EHBP1: variants seen among roughly 807,000 people sequenced by gnomAD.
The protein encoded by EHBP1 is EH domain binding protein 1.
In EHBP1, 55 loss-of-function variants were observed where a neutral mutation model predicts 144.0. The observed-to-expected ratio is 0.38, with a 90% CI of 0.31 to 0.48. The LOEUF (loss-of-function observed/expected upper bound fraction) is 0.48. Among genes scored for constraint, EHBP1 ranks in the 20% least tolerant of loss-of-function variants. The probability of loss-of-function intolerance (pLI) is 0.98; values close to 1 mark genes in which losing one functional copy is unlikely to be tolerated. For synonymous variants in EHBP1, 469 were observed against 472.7 expected, an observed-to-expected ratio of 0.99 and a Z score of 0.10; for missense variants, 1,200 against 1,364.2, an observed-to-expected ratio of 0.88 and a Z score of 1.90.
At chr2:62,804,003 T>C (rs1217325742) in intron 5 of EHBP1, among the ~76,000 whole-genome samples, 2 of 152,212 alleles carry the variant, frequency 1.3e-5, no homozygotes, top group African/African-American at 2.4e-5. Flanking sequence ...AAATGAGATA[T>C]TACAGTAAAA....
At chr2:62,909,948 G>A (rs575517039) in intron 10 of EHBP1, among the ~76,000 whole-genome samples, 1 of 152,012 alleles carries the variant, frequency 6.6e-6, no homozygotes, top group African/African-American at 2.4e-5. Context: ...TAGTAGAGAC[G>A]GGGCTTCACC....
intron 3 of EHBP1, among the ~76,000 whole-genome samples, chr2:62,762,850 T>G (rs934695809): frequency 2.6e-5 from 4 of 152,192 alleles, no homozygotes; most frequent in Non-Finnish European, 5.9e-5. Context: ...ATATATTAGA[T>G]TGTCATTCCT....
chr2:62,890,247 T>C (rs1002066003), intron 10 of EHBP1, among the ~76,000 whole-genome samples: 3 of 152,140 alleles, frequency 2.0e-5, no homozygotes, highest in African/African-American at 4.8e-5. Context: ...CATATGAAAT[T>C]TAAAATAGTT....
chr2:62,949,045 T>C lies in EHBP1; in HGVS notation c.2199T>C (p.Tyr733=). The C allele has an allele frequency of 1.2e-6, 2 of 1,613,670 alleles. No individual in the cohort carries two copies. Among genetic ancestry groups the C allele is most frequent in the Non-Finnish European group, 8.5e-7 (1 of 1,179,868 alleles). ...CTACTTCTAAACTTGGATACTCATATAGTAGAGATCTAGACCTTGCTAAGA... is the reference window on the plus strand; with the variant it reads ...CTACTTCTAAACTTGGATACTCATACAGTAGAGATCTAGACCTTGCTAAGA... The part of the protein sequence containing the change: ...LSPTSKLGYS[Y]SRDLDLAKKK... Residue 733 remains tyrosine (Y), a synonymous_variant, in exon 13 of 23, where the codon TAT becomes TAC. Coordinates refer to ENST00000431489, the MANE Select transcript of EHBP1 (RefSeq NM_001142616.3).
chr2:62,707,412 T>G, intron 2 of EHBP1, 117 bp downstream of exon 2: 1 of 711,776 alleles, frequency 1.4e-6, no homozygotes, highest in Non-Finnish European at 2.5e-6. Context: ...GTGTAGAAGC[T>G]GGGTGGGGCG....
chr2:63,021,322 T>C (rs2060739636), intron 19 of EHBP1, among the ~76,000 whole-genome samples: 1 of 152,164 alleles, frequency 6.6e-6, no homozygotes, highest in South Asian at 2.1e-4. Context: ...TTTGTTGTTA[T>C]TGTGTTGTTT....
intron 3 of EHBP1, among the ~76,000 whole-genome samples, chr2:62,752,509 G>A (rs1052741181): frequency 2.6e-5 from 4 of 152,164 alleles, no homozygotes; most frequent in Non-Finnish European, 5.9e-5. Flanking sequence ...TTGGTGCAGA[G>A]CTGAGTTCAG....
intron 2 of EHBP1, among the ~76,000 whole-genome samples, chr2:62,714,411 C>A (rs2035466995): frequency 6.6e-6 from 1 of 152,102 alleles, no homozygotes; most frequent in South Asian, 2.1e-4. Context: ...ACCATTGTGC[C>A]AGTTTTCCAG....
intron 7 of EHBP1, among the ~76,000 whole-genome samples, chr2:62,858,914 T>C (rs1372066878): frequency 6.6e-6 from 1 of 152,210 alleles, no homozygotes; most frequent in Non-Finnish European, 1.5e-5. Context: ...TCAAATTAAA[T>C]TGACATGGAA....
chr2:62,751,440 A>G (rs940241204), intron 3 of EHBP1, among the ~76,000 whole-genome samples: 3 of 152,026 alleles, frequency 2.0e-5, no homozygotes, highest in Non-Finnish European at 2.9e-5. Flanking sequence ...TTGGTCCAAA[A>G]TTCTCTTTTT....
intron 2 of EHBP1, among the ~76,000 whole-genome samples, chr2:62,745,606 G>A (rs1400587459): frequency 6.6e-6 from 1 of 151,980 alleles, no homozygotes; most frequent in African/African-American, 2.4e-5. Context: ...ATATTTGCAG[G>A]TTATACAGCT....
At chr2:62,883,242 T>C (rs2051625849) in intron 10 of EHBP1, among the ~76,000 whole-genome samples, 1 of 152,248 alleles carries the variant, frequency 6.6e-6, no homozygotes, top group Non-Finnish European at 1.5e-5. Flanking sequence ...AGGTTGGAAC[T>C]CTAAATACGT....
chr2:62,735,195 C>T (rs2038004951), intron 2 of EHBP1, among the ~76,000 whole-genome samples: 1 of 152,186 alleles, frequency 6.6e-6, no homozygotes, highest in Admixed American at 6.5e-5. Flanking sequence ...ATTCCTGGCC[C>T]CTTTTGTGGT....
At chr2:62,725,845 AG>A in intron 2 of EHBP1, among the ~76,000 whole-genome samples, 1 of 152,144 alleles carries the variant, frequency 6.6e-6, no homozygotes, top group African/African-American at 2.4e-5. Flanking sequence ...CAGTGTGGGG[AG>A]GAAGCAGGTA....
chr2:62,940,778 G>T (rs1311894428), intron 10 of EHBP1, among the ~76,000 whole-genome samples: 1 of 151,924 alleles, frequency 6.6e-6, no homozygotes, highest in African/African-American at 2.4e-5. Flanking sequence ...AGTACAGTAA[G>T]CATCCCTTAA....
At chr2:62,954,452 T>C (rs1485668639) in intron 13 of EHBP1, among the ~76,000 whole-genome samples, 1 of 152,208 alleles carries the variant, frequency 6.6e-6, no homozygotes, top group African/African-American at 2.4e-5. Flanking sequence ...CTTAAAAATC[T>C]TTGGGTGATG....
chr2:62,895,783 G>A (rs974517145), intron 10 of EHBP1, among the ~76,000 whole-genome samples: 1 of 152,126 alleles, frequency 6.6e-6, no homozygotes, highest in African/African-American at 2.4e-5. Context: ...AAATTGTTTA[G>A]TTAGAAGAGA....
chr2:63,008,834 A>G (rs2060154237), intron 19 of EHBP1, among the ~76,000 whole-genome samples: 2 of 151,600 alleles, frequency 1.3e-5, no homozygotes, highest in Admixed American at 1.3e-4. Flanking sequence ...ACATTATATT[A>G]AATTCTGTGA....
intron 5 of EHBP1, 111 bp downstream of exon 5, chr2:62,771,503 A>C: frequency 2.6e-6 from 2 of 758,472 alleles, no homozygotes; most frequent in Non-Finnish European, 4.2e-6. Context: ...AGAAAATTAA[A>C]TAGTGATTTG....
Sources: allele counts gnomAD v4.1 joint callset (sites outside exome capture counted in the v4.1 genomes callset), GRCh38; gene constraint gnomAD v4.1.1; transcripts MANE v1.5; gene names NCBI Gene and HGNC (gene_info 2026-07-23, HGNC 2026-07-21).